Variants in PARD3B observed in about 807,000 individuals in gnomAD.
The protein encoded by PARD3B is par-3 family cell polarity regulator beta.
In PARD3B, 103 loss-of-function variants were observed where a neutral mutation model predicts 130.2. The observed-to-expected ratio is 0.79, with a 90% CI of 0.67 to 0.93. The LOEUF (loss-of-function observed/expected upper bound fraction) is 0.93, where lower values mean the gene tolerates loss of function less well. PARD3B is among the 40% of genes least tolerant of loss of function. PARD3B has a pLI of 0.00. For missense variants in PARD3B, 1,609 were observed against 1,499.2 expected, an observed-to-expected ratio of 1.07 and a Z score of -1.21; for synonymous variants, 583 against 553.2, an observed-to-expected ratio of 1.05 and a Z score of -0.76.
In PARD3B at chr2:205,274,105, T is replaced by TA. The variant is rs1553655640; in HGVS notation, c.2186-26418dup. ...TAGATCTGGACAAATATAGTTTTTT[T>TA]AAAAAAAGTCTATTTTATTTTCCCT... On this transcript the variant is annotated intron_variant, in intron 16 of 22. Transcript: ENST00000406610. The surrounding 1 kb of genome is among the most constrained non-coding windows in gnomAD (Gnocchi z 4.2). 6.6e-6 allele frequency among the ~76,000 whole-genome samples: 1 copy of TA among 152,140 alleles called. No homozygotes were observed. Among genetic ancestry groups the TA allele is most frequent in the Non-Finnish European group, 1.5e-5 (1 of 68,018 alleles).
At chr2:204,993,838 T>A (rs573813494) in intron 3 of PARD3B, among the ~76,000 whole-genome samples, 8 of 151,528 alleles carry the variant, frequency 5.3e-5, no homozygotes, top group Non-Finnish European at 1.2e-4. Flanking sequence ...ATGTATTCAT[T>A]TCTTCTAGAT....
Position 205,312,106 on chromosome 2 carries a change from A to G in PARD3B, c.2630+10405A>G, listed in dbSNP as rs532199432. On this transcript the variant is annotated intron_variant, in intron 18 of 22. Coordinates refer to ENST00000406610, the MANE Select transcript of PARD3B (RefSeq NM_001302769.2). ...CATTTCTCCTCTTTACCTTGATCCC[A>G]TAACAGCTGTTACAGGTCTCATGTA... 4.5e-4 allele frequency among the ~76,000 whole-genome samples: 68 copies of G among 152,310 alleles called. 2 individuals are homozygous for G. The highest frequency in any genetic ancestry group is 1.6e-3 in the African/African-American group (65 of 41,576).
chr2:204,851,291 T>C (rs1439507495), intron 2 of PARD3B, among the ~76,000 whole-genome samples: 1 of 152,172 alleles, frequency 6.6e-6, no homozygotes, highest in African/African-American at 2.4e-5. Context: ...GAGTTTGCTA[T>C]TTGTAAGCCC....
chr2:204,843,835 T>G (rs948984990), intron 2 of PARD3B, among the ~76,000 whole-genome samples: 1 of 152,160 alleles, frequency 6.6e-6, no homozygotes, highest in African/African-American at 2.4e-5. Flanking sequence ...CCTCTTCTTT[T>G]TCATTCATAC....
chr2:204,809,742 T>G (rs1404440745), intron 2 of PARD3B, among the ~76,000 whole-genome samples: 1 of 152,072 alleles, frequency 6.6e-6, no homozygotes, highest in Non-Finnish European at 1.5e-5. Context: ...TTAGTTCCAT[T>G]TGAGTTTTAA....
intron 2 of PARD3B, among the ~76,000 whole-genome samples, chr2:204,900,327 CTG>C (rs1340789457): frequency 6.6e-6 from 1 of 151,972 alleles, no homozygotes; most frequent in Non-Finnish European, 1.5e-5. Context: ...TGTCTTCTGA[CTG>C]TGTATTTTCA....
intron 21 of PARD3B, among the ~76,000 whole-genome samples, chr2:205,519,552 A>G (rs1316732131): frequency 6.6e-6 from 1 of 152,122 alleles, no homozygotes; most frequent in African/African-American, 2.4e-5. Flanking sequence ...CTTCATTCCT[A>G]TCCATATTCT....
chr2:204,627,773 G>T (rs1018560621), intron 1 of PARD3B, among the ~76,000 whole-genome samples: 2 of 152,160 alleles, frequency 1.3e-5, no homozygotes, highest in African/African-American at 4.8e-5. Flanking sequence ...CCCAGAAAAA[G>T]ACTTTAAGAT....
chr2:204,682,393 A>T (rs1274274736), intron 1 of PARD3B, among the ~76,000 whole-genome samples: 3 of 152,176 alleles, frequency 2.0e-5, no homozygotes, highest in Non-Finnish European at 4.4e-5. Context: ...TTTATGAGGC[A>T]TTTTGAGGAT....
At chr2:205,574,975 G>A (rs1022192147) in intron 22 of PARD3B, among the ~76,000 whole-genome samples, 1 of 151,272 alleles carries the variant, frequency 6.6e-6, no homozygotes, top group Admixed American at 6.6e-5. Flanking sequence ...CGTATCCTTT[G>A]TCAGGGACCC....
intron 3 of PARD3B, among the ~76,000 whole-genome samples, chr2:205,036,471 C>T (rs913480914): frequency 6.9e-5 from 10 of 144,472 alleles, no homozygotes; most frequent in South Asian, 2.2e-4. Context: ...ATGTATATAG[C>T]GGACTATATA....
At chr2:204,552,318 TGAGAGTAAGCCCAG>T (rs749022482) in intron 1 of PARD3B, among the ~76,000 whole-genome samples, 11 of 152,012 alleles carry the variant, frequency 7.2e-5, no homozygotes, top group Non-Finnish European at 1.6e-4. Context: ...TAGCTGGGTT[TGAGAGTAAGCCCAG>T]GTTGGCCTCA....
intron 15 of PARD3B, among the ~76,000 whole-genome samples, chr2:205,213,966 C>T (rs1362459171): frequency 6.6e-6 from 1 of 152,104 alleles, no homozygotes; most frequent in Non-Finnish European, 1.5e-5. Flanking sequence ...CATGTGAATT[C>T]ACTTGCACCA....
In PARD3B at chr2:205,341,193, A is replaced by G. The variant is rs1574749292; in HGVS notation, c.2630+39492A>G. Among the ~76,000 whole-genome samples the G allele has an allele frequency of 6.6e-6, 1 of 152,274 alleles. No individual in the cohort carries two copies. Reference sequence around the variant, plus strand: ...ATGGGAAACAGTATAGTGGTTTAAAATCTATATTAAAATTAGGACTGCCAT... The same window carrying G: ...ATGGGAAACAGTATAGTGGTTTAAAGTCTATATTAAAATTAGGACTGCCAT... On this transcript the variant is annotated intron_variant, in intron 18 of 22. Transcript: ENST00000406610. The surrounding 1 kb of genome is among the most constrained non-coding windows in gnomAD (Gnocchi z 4.3).
chr2:205,129,599 G>GATA lies in PARD3B; in HGVS notation c.1434+3862_1434+3863insATA, dbSNP rs202029356. The stretch of plus-strand genomic sequence containing the variant: ...TTTTGTCGTGTTCTATCTCCTTTGA[G>GATA]GAAAACAAACTGTGTTTATTGGTTT... On this transcript the variant is annotated intron_variant, in intron 10 of 22. Coordinates refer to ENST00000406610, the MANE Select transcript of PARD3B (RefSeq NM_001302769.2). 9.6e-3 allele frequency among the ~76,000 whole-genome samples: 1,461 copies of GATA among 152,296 alleles called. 21 individuals are homozygous for GATA. The highest frequency in any genetic ancestry group is 0.033 in the African/African-American group (1,387 of 41,554).
At chr2:204,700,681 T>A (rs1431831323) in intron 2 of PARD3B, among the ~76,000 whole-genome samples, 1 of 152,116 alleles carries the variant, frequency 6.6e-6, no homozygotes, top group Non-Finnish European at 1.5e-5. Context: ...GTGTCTTGAT[T>A]ATAGTGTTTG....
chr2:205,188,164 G>T (rs1332558053), intron 14 of PARD3B, among the ~76,000 whole-genome samples: 1 of 152,256 alleles, frequency 6.6e-6, no homozygotes, highest in Non-Finnish European at 1.5e-5. Context: ...GAGTTGTCAA[G>T]TAAGTTTTCA....
chr2:205,494,770 T>C (rs942375316), intron 20 of PARD3B, among the ~76,000 whole-genome samples: 5 of 152,142 alleles, frequency 3.3e-5, no homozygotes, highest in African/African-American at 1.2e-4. Context: ...CAACATGATA[T>C]AGTAGAAACA....
At chr2:205,243,376 G>A (rs1185224874) in intron 15 of PARD3B, among the ~76,000 whole-genome samples, 1 of 152,098 alleles carries the variant, frequency 6.6e-6, no homozygotes, top group East Asian at 1.9e-4. Context: ...CAAACCTGTG[G>A]GGTAAGCAAT....
Sources: allele counts gnomAD v4.1 joint callset (sites outside exome capture counted in the v4.1 genomes callset), GRCh38; gene constraint gnomAD v4.1.1; non-coding constraint Gnocchi (gnomAD v3.1); transcripts MANE v1.5; gene names NCBI Gene and HGNC (gene_info 2026-07-23, HGNC 2026-07-21).